Variants in NCOA6 observed in about 807,000 individuals in gnomAD.
NCOA6 encodes the protein NRC RAP250.
Under a neutral mutation model 171.4 loss-of-function variants are expected in NCOA6, and 49 were observed. The observed-to-expected ratio is 0.29, with a 90% CI of 0.23 to 0.36. The LOEUF (loss-of-function observed/expected upper bound fraction) is 0.36, where lower values mean the gene tolerates loss of function less well. Ranked by LOEUF, NCOA6 falls within the 10% of genes least tolerant of loss-of-function variation. NCOA6 has a pLI of 1.00. For missense variants in NCOA6, 2,248 were observed against 2,554.5 expected, an observed-to-expected ratio of 0.88 and a Z score of 2.59; for synonymous variants, 910 against 927.5, an observed-to-expected ratio of 0.98 and a Z score of 0.34.
rs1366755071 is a variant in NCOA6 at position 34,749,564 on chromosome 20, A to G, written c.2631T>C (p.Asn877=). The stretch of plus-strand genomic sequence containing the variant: ...ATGGGCTCGTTAGCGTGACATCCTT[A>G]TTGACTGGGAAGCCTGGATTTTGAC... ...SCGQNPGFPV[N]KDVTLTSPLL... The change falls in exon 9 of 15, where the codon AAT becomes AAC. Residue 877 remains asparagine, a synonymous_variant. Transcript: ENST00000359003. 6.2e-7 allele frequency: 1 copy of G among 1,614,138 alleles called. No homozygotes were observed. Among genetic ancestry groups the G allele is most frequent in the Admixed American group, 1.7e-5 (1 of 60,012 alleles).
chr20:34,788,489 T>C (rs946173559), intron 2 of NCOA6, among the ~76,000 whole-genome samples: 3 of 152,152 alleles, frequency 2.0e-5, no homozygotes, highest in African/African-American at 2.4e-5. Context: ...GGTGTTGTCA[T>C]GGTAATGGTA....
Position 34,743,056 on chromosome 20 carries a change from C to A in NCOA6, c.3200G>T (p.Arg1067Ile), listed in dbSNP as rs1345818204. ...PRGPLNPDSQ[R>I]MPMQQSGSVP... ...ACTGCCACTCTGTTGCATGGGCATT[C>A]TCTGGGAGTCGGGGTTCAGGGGGCC... Residue 1067 changes from arginine to isoleucine, a missense_variant, in exon 11 of 15, where the codon AGA (arginine) becomes ATA (isoleucine). Arg to Ile is a moderately conservative substitution (Grantham distance 97). Transcript: ENST00000359003. 1.9e-6 allele frequency: 3 copies of A among 1,613,682 alleles called. No individual in the cohort carries two copies. Among genetic ancestry groups the A allele is most frequent in the Non-Finnish European group, 2.5e-6 (3 of 1,179,772 alleles).
intron 1 of NCOA6, among the ~76,000 whole-genome samples, chr20:34,818,726 A>G (rs1202106082): frequency 1.3e-5 from 2 of 152,242 alleles, no homozygotes; most frequent in Non-Finnish European, 2.9e-5. Context: ...ATAACACATT[A>G]CAGACATTCC....
intron 2 of NCOA6, among the ~76,000 whole-genome samples, chr20:34,784,862 C>G (rs533800071): frequency 6.6e-6 from 1 of 152,204 alleles, no homozygotes; most frequent in African/African-American, 2.4e-5. Context: ...GGGCAGATCA[C>G]CTGAGGTCAG....
At chr20:34,814,754 G>C (rs533478018) in intron 1 of NCOA6, among the ~76,000 whole-genome samples, 92 of 152,214 alleles carry the variant, frequency 6.0e-4, no homozygotes, top group African/African-American at 1.9e-3. Context: ...ACCACGCCAG[G>C]CTAATTTTTG....
intron 13 of NCOA6, among the ~76,000 whole-genome samples, chr20:34,732,214 A>G (rs2075806041): frequency 6.6e-6 from 1 of 152,218 alleles, no homozygotes; most frequent in Admixed American, 6.5e-5. Context: ...ACTGTTCTTT[A>G]GAAGACAGCT....
chr20:34,761,197 T>C (rs2076807571), intron 5 of NCOA6, among the ~76,000 whole-genome samples: 1 of 152,202 alleles, frequency 6.6e-6, no homozygotes, highest in South Asian at 2.1e-4. Context: ...TATTCTTATC[T>C]GTATTATTTC....
chr20:34,727,449 C>G (rs754390250), intron 13 of NCOA6, 42 bp from the exon 14 acceptor site: 1 of 1,606,188 alleles, frequency 6.2e-7, no homozygotes, highest in Non-Finnish European at 8.5e-7. Flanking sequence ...GGTGAGGGAA[C>G]CAGGCCACAC....
chr20:34,814,300 C>T (rs2078762067), intron 1 of NCOA6, among the ~76,000 whole-genome samples: 2 of 151,784 alleles, frequency 1.3e-5, no homozygotes, highest in Admixed American at 1.3e-4. Context: ...GATCACGCCA[C>T]TACACTCCAG....
chr20:34,760,020 G>A lies in NCOA6; in HGVS notation c.515-1087C>T, dbSNP rs758923410. On this transcript the variant is annotated intron_variant, in intron 5 of 14. Transcript: ENST00000359003. ...AGGTCAGGCATGGTAGCTCATGCCT[G>A]TAATCCCAGAGCTTTTGGAGGCCAA... Among the ~76,000 whole-genome samples, 3 of 152,186 alleles carry A rather than the reference G, an allele frequency of 2.0e-5. No individual in the cohort carries two copies. The South Asian group carries it at 6.2e-4, about 31-fold the overall frequency.
intron 5 of NCOA6, 102 bp downstream of exon 5, chr20:34,768,362 A>C (rs2077041602): frequency 1.4e-6 from 2 of 1,427,088 alleles, no homozygotes; most frequent in South Asian, 1.3e-5. Context: ...TAGAGATGTT[A>C]AGTATGCCAT....
chr20:34,778,270 AC>A (rs1315628491), intron 3 of NCOA6, among the ~76,000 whole-genome samples: 1 of 152,220 alleles, frequency 6.6e-6, no homozygotes, highest in Non-Finnish European at 1.5e-5. Context: ...TGAGCATCTT[AC>A]GCTAAGCGAA....
chr20:34,769,957 T>A (rs1280923950), intron 4 of NCOA6, among the ~76,000 whole-genome samples: 1 of 152,164 alleles, frequency 6.6e-6, no homozygotes, highest in Non-Finnish European at 1.5e-5. Context: ...ACTGTAGGGT[T>A]CTGATTCACA....
chr20:34,726,976 C>CCAA (rs758017183), intron 14 of NCOA6, among the ~76,000 whole-genome samples: 6 of 152,160 alleles, frequency 3.9e-5, no homozygotes, highest in South Asian at 2.1e-4. Context: ...CAAACAAAAA[C>CCAA]CAACAACAAC....
At chr20:34,786,676 G>C (rs1408291276) in intron 2 of NCOA6, among the ~76,000 whole-genome samples, 1 of 152,072 alleles carries the variant, frequency 6.6e-6, no homozygotes, top group African/African-American at 2.4e-5. Context: ...TCTTAATCTT[G>C]AGTTCTAATT....
intron 1 of NCOA6, among the ~76,000 whole-genome samples, chr20:34,824,707 T>C (rs948933454): frequency 6.6e-6 from 1 of 152,158 alleles, no homozygotes; most frequent in Non-Finnish European, 1.5e-5. Flanking sequence ...GTCCCCCTTT[T>C]CTCTCATCAA....
intron 14 of NCOA6, among the ~76,000 whole-genome samples, chr20:34,724,954 A>T (rs539123655): frequency 6.6e-6 from 1 of 151,844 alleles, no homozygotes; most frequent in East Asian, 1.9e-4. Context: ...ACACCCAGCT[A>T]ATTTTTGTAT....
At chr20:34,813,140 CAA>C (rs1431965105) in intron 1 of NCOA6, among the ~76,000 whole-genome samples, 1 of 145,850 alleles carries the variant, frequency 6.9e-6, no homozygotes, top group African/African-American at 2.6e-5. Flanking sequence ...GCCTGGGAGA[CAA>C]GAGTGAAACA....
intron 5 of NCOA6, among the ~76,000 whole-genome samples, chr20:34,766,718 T>G (rs1273012830): frequency 6.6e-6 from 1 of 152,186 alleles, no homozygotes; most frequent in Non-Finnish European, 1.5e-5. Flanking sequence ...TAGCATTGTT[T>G]CCAGAACATA....
Sources: gnomAD v4.1 joint callset for allele counts (sites outside exome capture counted in the v4.1 genomes callset) on GRCh38, gnomAD v4.1.1 for gene constraint, MANE v1.5 for transcripts, NCBI Gene and HGNC (gene_info 2026-07-23, HGNC 2026-07-21) for gene names.